Variants in CHN1 observed in about 807,000 individuals in gnomAD.
CHN1 encodes the protein chimerin 1.
CHN1 carries 37 observed loss-of-function variants against 59.5 expected under a neutral mutation model. The ratio of observed to expected loss-of-function variants is 0.62; its 90% CI spans 0.48 to 0.82. The LOEUF (loss-of-function observed/expected upper bound fraction) is 0.82, where lower values mean the gene tolerates loss of function less well. Ranked by LOEUF, CHN1 falls within the 40% of genes least tolerant of loss-of-function variation. CHN1 has a pLI of 0.00. For missense variants in CHN1, 469 were observed against 571.0 expected (o/e 0.82, Z 1.82); for synonymous variants, 206 against 200.4 (o/e 1.03, Z -0.24).
chr2:174,931,230 C>T (rs1689338345), intron 3 of CHN1, among the ~76,000 whole-genome samples: 2 of 151,924 alleles, frequency 1.3e-5, no homozygotes, highest in South Asian at 4.1e-4. Context: ...ATATAAAATG[C>T]TTCTATCTGC....
At chr2:174,863,625 C>A (rs1687129893) in intron 6 of CHN1, among the ~76,000 whole-genome samples, 1 of 152,068 alleles carries the variant, frequency 6.6e-6, no homozygotes, top group Admixed American at 6.5e-5. Flanking sequence ...CCCACATAAA[C>A]AAAAGCTCTT....
intron 3 of CHN1, among the ~76,000 whole-genome samples, chr2:174,934,772 C>T (rs1035300590): frequency 1.3e-5 from 2 of 152,180 alleles, no homozygotes; most frequent in Non-Finnish European, 2.9e-5. Flanking sequence ...TTGACTGGTT[C>T]CTGAAAATCT....
intron 5 of CHN1, among the ~76,000 whole-genome samples, chr2:174,882,691 TACAAAA>T (rs1687773348): frequency 6.6e-6 from 1 of 152,168 alleles, no homozygotes; most frequent in Non-Finnish European, 1.5e-5. Context: ...GCAACCAACA[TACAAAA>T]ACAGTTTTAT....
intron 1 of CHN1, among the ~76,000 whole-genome samples, chr2:175,002,807 T>C (rs1157177917): frequency 6.6e-5 from 10 of 152,218 alleles, no homozygotes; most frequent in African/African-American, 2.2e-4. Flanking sequence ...TATTGCTCCA[T>C]TGCTCTTCTG....
At chr2:175,002,727 C>T (rs1691929304) in intron 1 of CHN1, among the ~76,000 whole-genome samples, 4 of 152,172 alleles carry the variant, frequency 2.6e-5, no homozygotes, top group Admixed American at 2.6e-4. Context: ...CTCTGCTGAG[C>T]TCTGACAAAT....
intron 8 of CHN1, among the ~76,000 whole-genome samples, chr2:174,817,074 G>A (rs528947943): frequency 1.3e-5 from 2 of 152,104 alleles, no homozygotes; most frequent in Admixed American, 6.5e-5. Context: ...TTCCCACTGG[G>A]TCACACATAC....
chr2:174,937,494 T>C (rs1484955052), intron 3 of CHN1, among the ~76,000 whole-genome samples: 2 of 152,214 alleles, frequency 1.3e-5, no homozygotes, highest in African/African-American at 4.8e-5. Context: ...ATAATAATTA[T>C]TACTTTTTAA....
At chr2:174,970,775 A>C (rs985048275) in intron 1 of CHN1, among the ~76,000 whole-genome samples, 3 of 152,188 alleles carry the variant, frequency 2.0e-5, no homozygotes, top group Non-Finnish European at 2.9e-5. Context: ...CCTTTAAAAA[A>C]CTACCACTTG....
chr2:174,824,630 A>C (rs1183525561), intron 7 of CHN1, 112 bp from the exon 8 acceptor site: 3 of 474,184 alleles, frequency 6.3e-6, no homozygotes, highest in South Asian at 5.4e-5. Flanking sequence ...ATATATATAT[A>C]TGAGAGAAAG....
chr2:174,819,906 C>A (rs1574052891), intron 8 of CHN1, among the ~76,000 whole-genome samples: 1 of 145,234 alleles, frequency 6.9e-6, no homozygotes, highest in East Asian at 2.1e-4. Flanking sequence ...TGAGTGAGAA[C>A]ATGCAGTGTT....
chr2:174,989,072 A>C (rs1691452715), intron 1 of CHN1, among the ~76,000 whole-genome samples: 1 of 152,200 alleles, frequency 6.6e-6, no homozygotes, highest in Non-Finnish European at 1.5e-5. Flanking sequence ...AACCTGTTTA[A>C]ATTTTAAAAT....
intron 5 of CHN1, among the ~76,000 whole-genome samples, chr2:174,897,172 G>A (rs1688242406): frequency 6.6e-6 from 1 of 150,778 alleles, no homozygotes; most frequent in Non-Finnish European, 1.5e-5. Context: ...GGATGTTCCA[G>A]TTTCTGAAAT....
rs1040603930 is a variant in CHN1, at chr2:174,950,882, C to T, written c.58+1282G>A. Among the ~76,000 whole-genome samples the T allele has an allele frequency of 2.3e-4, 34 of 149,062 alleles. 1 individual carries two copies. Among genetic ancestry groups the T allele is most frequent in the Admixed American group, 2.2e-3 (33 of 14,850 alleles). Reference sequence around the variant, plus strand: ...GCAACCTCTGCCTCCCTGGTTCAAGCGATTCTCCTGCCTCAGCCTCCCAAG... The same window carrying T: ...GCAACCTCTGCCTCCCTGGTTCAAGTGATTCTCCTGCCTCAGCCTCCCAAG... On this transcript the variant is annotated intron_variant, in intron 2 of 12. Coordinates refer to ENST00000409900, the MANE Select transcript of CHN1 (RefSeq NM_001822.7).
intron 12 of CHN1, 63 bp from the exon 13 acceptor site, chr2:174,800,350 G>A (rs1684680759): frequency 3.3e-6 from 4 of 1,226,434 alleles, no homozygotes; most frequent in South Asian, 3.0e-5. Flanking sequence ...CATTGTGCTT[G>A]AACACTAAAA....
At chr2:174,907,765 C>G (rs754469898) in intron 5 of CHN1, among the ~76,000 whole-genome samples, 2 of 151,550 alleles carry the variant, frequency 1.3e-5, no homozygotes, top group South Asian at 2.1e-4. Context: ...CTTTTAGACA[C>G]CTTTCTATTT....
intron 3 of CHN1, among the ~76,000 whole-genome samples, chr2:174,932,958 G>T (rs1050544094): frequency 6.6e-6 from 1 of 152,180 alleles, no homozygotes; most frequent in Non-Finnish European, 1.5e-5. Context: ...ATACAGTTAG[G>T]ATTCTGGACA....
intron 11 of CHN1, among the ~76,000 whole-genome samples, chr2:174,804,798 T>G (rs1558930042): frequency 6.6e-6 from 1 of 152,220 alleles, no homozygotes. Flanking sequence ...CCATTTGAGA[T>G]GCCTGTCAGG....
intron 1 of CHN1, among the ~76,000 whole-genome samples, chr2:174,978,600 C>A (rs1218861739): frequency 6.6e-6 from 1 of 152,202 alleles, no homozygotes; most frequent in Non-Finnish European, 1.5e-5. Context: ...GAGACTAATC[C>A]ATTTTGTAAA....
chr2:174,930,217 A>G (rs917274904), intron 3 of CHN1, among the ~76,000 whole-genome samples: 1 of 152,150 alleles, frequency 6.6e-6, no homozygotes, highest in African/African-American at 2.4e-5. Context: ...CCAGGAGGAG[A>G]GTCAGGTATG....
Sources: gnomAD v4.1 joint callset for allele counts (sites outside exome capture counted in the v4.1 genomes callset) on GRCh38, gnomAD v4.1.1 for gene constraint, MANE v1.5 for transcripts, NCBI Gene and HGNC (gene_info 2026-07-23, HGNC 2026-07-21) for gene names.